The following PRDM16 variants were observed in gnomAD, a reference collection of about 807,000 sequenced individuals.
PRDM16 encodes histone-lysine N-methyltransferase PRDM16.
PRDM16 carries 23 observed loss-of-function variants against 110.6 expected under a neutral mutation model. That is an observed-to-expected ratio of 0.21 (90% CI 0.15 to 0.29). The LOEUF is 0.29. Ranked by LOEUF, PRDM16 falls within the 10% of genes least tolerant of loss-of-function variation. The probability of loss-of-function intolerance (pLI) is 1.00; values close to 1 mark genes in which losing one functional copy is unlikely to be tolerated. For synonymous variants in PRDM16, 799 were observed against 781.8 expected (o/e 1.02, Z -0.37); for missense variants, 1,615 against 1,794.3 (o/e 0.90, Z 1.81).
At chr1:3,235,528 C>T (rs374316961) in intron 2 of PRDM16, among the ~76,000 whole-genome samples, 8 of 152,154 alleles carry the variant, frequency 5.3e-5, no homozygotes, top group South Asian at 2.1e-4. Flanking sequence ...AGATCCTTCC[C>T]GCTCGCCCCG....
chr1:3,404,265 C>A (rs753033447), intron 6 of PRDM16, among the ~76,000 whole-genome samples: 4 of 152,232 alleles, frequency 2.6e-5, no homozygotes, highest in Non-Finnish European at 5.9e-5. Flanking sequence ...CCCTCCGTGT[C>A]ACCTGGAGAC....
chr1:3,137,035 G>C (rs1231343335), intron 1 of PRDM16, among the ~76,000 whole-genome samples: 1 of 152,198 alleles, frequency 6.6e-6, no homozygotes, highest in Admixed American at 6.5e-5. Flanking sequence ...AGATGGGGTG[G>C]GTGAAAGGAC....
At chr1:3,088,018 C>T (rs1349343109) in intron 1 of PRDM16, among the ~76,000 whole-genome samples, 1 of 151,964 alleles carries the variant, frequency 6.6e-6, no homozygotes, top group Non-Finnish European at 1.5e-5. Flanking sequence ...CATTTCACTG[C>T]TGTTTCTCTC....
At chr1:3,286,610 C>T (rs1640849654) in intron 3 of PRDM16, among the ~76,000 whole-genome samples, 1 of 152,198 alleles carries the variant, frequency 6.6e-6, no homozygotes, top group Non-Finnish European at 1.5e-5. Flanking sequence ...TGCTCAGGAA[C>T]CCCGTGTCCT....
rs1466065912 is a variant in PRDM16 at position 3,370,182 on chromosome 1, C to CT, written c.439-14967dup. 6.6e-6 allele frequency among the ~76,000 whole-genome samples: 1 copy of CT among 152,136 alleles called. No homozygotes were observed. The highest frequency in any genetic ancestry group is 1.5e-5 in the Non-Finnish European group (1 of 68,036). ...ATGAACAAACCCACCGTGGCCTCTG[C>CT]TTTGGGGAGACTGGCCACTGTGACA... On this transcript the variant is annotated intron_variant, in intron 3 of 16. Transcript: ENST00000270722. This position sits in a 1 kb window ranked among gnomAD's most constrained non-coding sequence, Gnocchi z 4.8.
chr1:3,320,365 A>G (rs532209926), intron 3 of PRDM16, among the ~76,000 whole-genome samples: 2 of 152,248 alleles, frequency 1.3e-5, no homozygotes, highest in East Asian at 3.9e-4. Context: ...CACTGGTGTG[A>G]ACATGCAGGT....
chr1:3,393,895 C>G (rs560161867), intron 4 of PRDM16, among the ~76,000 whole-genome samples: 1 of 152,272 alleles, frequency 6.6e-6, no homozygotes, highest in South Asian at 2.1e-4. Context: ...GCAGTAATAG[C>G]GATTAATTCC....
chr1:3,112,419 A>T (rs1204977015), intron 1 of PRDM16, among the ~76,000 whole-genome samples: 1 of 152,168 alleles, frequency 6.6e-6, no homozygotes, highest in Non-Finnish European at 1.5e-5. Context: ...CTTGGTCTGT[A>T]AACATTCTTT....
chr1:3,340,551 C>G (rs1170513917), intron 3 of PRDM16, among the ~76,000 whole-genome samples: 1 of 152,166 alleles, frequency 6.6e-6, no homozygotes, highest in Non-Finnish European at 1.5e-5. Context: ...ACGTTTTTCC[C>G]CCTGCACAGG....
intron 1 of PRDM16, among the ~76,000 whole-genome samples, chr1:3,116,868 C>A (rs1249448628): frequency 6.6e-6 from 1 of 152,230 alleles, no homozygotes; most frequent in East Asian, 1.9e-4. Context: ...CCTCCACAAA[C>A]CCCCGTGACT....
intron 2 of PRDM16, among the ~76,000 whole-genome samples, chr1:3,192,533 T>C (rs1213410537): frequency 6.6e-6 from 1 of 152,128 alleles, no homozygotes; most frequent in Non-Finnish European, 1.5e-5. Context: ...GGAGGTCCTA[T>C]TGGAGGCTCT....
At chr1:3,181,100 AGTCTTACACGCG>A (rs1377582466) in intron 1 of PRDM16, among the ~76,000 whole-genome samples, 5 of 17,866 alleles carry the variant, frequency 2.8e-4, no homozygotes, top group East Asian at 2.1e-3. Context: ...TTACACACGC[AGTCTTACACGCG>A]GCCTTACACA....
Position 3,206,217 on chromosome 1 carries a change from C to G in PRDM16, c.387+19743C>G, listed in dbSNP as rs1330162062. On this transcript the variant is annotated intron_variant, in intron 2 of 16. Transcript: ENST00000270722. The surrounding 1 kb of genome is among the most constrained non-coding windows in gnomAD (Gnocchi z 4.9). ...CACTAAGCCAGTGGCCCACACTGACCTGGCCAGGCCACTCCTCTGGAGATC... is the reference window on the plus strand; with the variant it reads ...CACTAAGCCAGTGGCCCACACTGACGTGGCCAGGCCACTCCTCTGGAGATC... The G allele has an allele frequency of 6.6e-6, 1 of 152,318 alleles. No homozygotes were observed. Among genetic ancestry groups the G allele is most frequent in the Non-Finnish European group, 1.5e-5 (1 of 68,114 alleles). 9.4% of individuals were successfully genotyped at this position (152,318 alleles called of 1,614,324 possible).
chr1:3,342,723 A>G (rs956269352), intron 3 of PRDM16, among the ~76,000 whole-genome samples: 16 of 152,342 alleles, frequency 1.1e-4, no homozygotes, highest in Middle Eastern at 3.4e-3. Context: ...TGAACTCCGC[A>G]TAAAGACATC....
In PRDM16 at chr1:3,390,509, C is replaced by A. The variant is rs989373111; in HGVS notation, c.573+5223C>A. On this transcript the variant is annotated intron_variant, in intron 4 of 16. Transcript: ENST00000270722. This position sits in a 1 kb window ranked among gnomAD's most constrained non-coding sequence, Gnocchi z 5.0. ...TCCAGGGGCAGAGCAGGGGTCCCGG[C>A]GCCCGCCGTGGAGCAGCACAGCCCC... Among the ~76,000 whole-genome samples the A allele has an allele frequency of 2.0e-5, 3 of 152,190 alleles. No homozygotes were observed. The highest frequency in any genetic ancestry group is 4.4e-5 in the Non-Finnish European group (3 of 68,026).
chr1:3,199,132 C>T (rs569868494), intron 2 of PRDM16, among the ~76,000 whole-genome samples: 1 of 152,106 alleles, frequency 6.6e-6, no homozygotes, highest in African/African-American at 2.4e-5. Context: ...TGCGGGGTGG[C>T]GGCAGAGGGG....
In PRDM16 at chr1:3,353,851, G is replaced by A. The variant is rs1479179947; in HGVS notation, c.439-31301G>A. 6.6e-6 allele frequency among the ~76,000 whole-genome samples: 1 copy of A among 152,112 alleles called. No individual in the cohort carries two copies. Among genetic ancestry groups the A allele is most frequent in the African/African-American group, 2.4e-5 (1 of 41,458 alleles). Reference sequence around the variant, plus strand: ...AGCGGAGCCAGTAGTGATGACAGGCGCAGCTGGGAGCAGCTTGGTAGACCT... The same window carrying A: ...AGCGGAGCCAGTAGTGATGACAGGCACAGCTGGGAGCAGCTTGGTAGACCT... On this transcript the variant is annotated intron_variant, in intron 3 of 16. Coordinates refer to ENST00000270722, the MANE Select transcript of PRDM16 (RefSeq NM_022114.4). The surrounding 1 kb of genome is among the most constrained non-coding windows in gnomAD (Gnocchi z 5.4).
chr1:3,069,679 G>A lies in PRDM16; in HGVS notation c.37+383G>A, dbSNP rs1641699244. ...AAGTTAGCGAAAAGTTGACGAAAGG[G>A]GAGAGCAACTTTTTCCTCCCCGCTC... On this transcript the variant is annotated intron_variant, in intron 1 of 16. Coordinates refer to ENST00000270722, the MANE Select transcript of PRDM16 (RefSeq NM_022114.4). This position sits in a 1 kb window ranked among gnomAD's most constrained non-coding sequence, Gnocchi z 6.1. Among the ~76,000 whole-genome samples, 1 of 151,862 alleles carries A rather than the reference G, an allele frequency of 6.6e-6. No homozygotes were observed. Among genetic ancestry groups the A allele is most frequent in the Non-Finnish European group, 1.5e-5 (1 of 67,920 alleles).
chr1:3,126,953 C>T (rs374250198), intron 1 of PRDM16, among the ~76,000 whole-genome samples: 3 of 152,314 alleles, frequency 2.0e-5, no homozygotes, highest in African/African-American at 7.2e-5. Context: ...GGAGGCCCCT[C>T]GAGCCTGGGA....
Sources: gnomAD v4.1 joint callset for allele counts (sites outside exome capture counted in the v4.1 genomes callset) on GRCh38, gnomAD v4.1.1 for gene constraint, Gnocchi (gnomAD v3.1) non-coding constraint, MANE v1.5 for transcripts, NCBI Gene and HGNC (gene_info 2026-07-23, HGNC 2026-07-21) for gene names.